Variants in GLMP observed in about 807,000 individuals in gnomAD.
GLMP encodes the protein kidney lysosomal membrane protein.
Under a neutral mutation model 39.2 loss-of-function variants are expected in GLMP, and 36 were observed. The ratio of observed to expected loss-of-function variants is 0.92; its 90% CI spans 0.70 to 1.21. The LOEUF (loss-of-function observed/expected upper bound fraction) is 1.21. Among genes scored for constraint, GLMP ranks in the 50% most tolerant of loss-of-function variants. GLMP has a pLI of 0.00. For missense variants in GLMP, 454 were observed against 505.6 expected (o/e 0.90, Z 0.98); for synonymous variants, 220 against 218.9 (o/e 1.01, Z -0.04).
In GLMP at chr1:156,292,818, A is replaced by T. The variant is rs1663395404; in HGVS notation, c.*226T>A. 1.9e-6 allele frequency: 1 copy of T among 515,848 alleles called. No homozygotes were observed. Among genetic ancestry groups the T allele is most frequent in the African/African-American group, 1.9e-5 (1 of 51,604 alleles). The allele number at this position is 515,848 out of a possible 1,614,324, so 32.0% of individuals were successfully genotyped here. A position where few individuals can be genotyped will look rare whatever the true frequency, so the allele number is the denominator to read the frequency against. On this transcript the variant is annotated 3_prime_UTR_variant, in exon 6 of 6. Transcript: ENST00000362007. ...GATGCAAGAAGGCAACACCAAGGGG[A>T]CCTTATCAATAGCCCTGTCCCCTGC...
At position 156,293,449 on chromosome 1, in the gene GLMP, A is replaced by G. The variant is rs760636542; in HGVS notation, c.926T>C (p.Leu309Ser). ...GGGTGACTGGGGAAGAGAGTATGCT[A>G]AGGCAGGATGAAGAGGGGAAGCTTG... The part of the protein sequence containing the change: ...PCQASPLHPA[L>S]AYSLPQSPIV... The change falls in exon 5 of 6, where the codon TTA becomes TCA. Residue 309 changes from leucine (L) to serine (S), a missense_variant. Leu to Ser is a moderately radical substitution (Grantham distance 145). Transcript: ENST00000362007. The G allele has an allele frequency of 6.2e-7, 1 of 1,614,080 alleles. No individual in the cohort carries two copies. Among genetic ancestry groups the G allele is most frequent in the African/African-American group, 1.3e-5 (1 of 74,928 alleles).
At chr1:156,295,187 G>T in intron 1 of GLMP, 171 bp from the exon 2 acceptor site, 1 of 1,003,268 alleles carries the variant, frequency 1.0e-6, no homozygotes, top group Non-Finnish European at 1.4e-6. Flanking sequence ...GTAAGGGGCA[G>T]TGGGGACAGG....
In GLMP at chr1:156,294,923, A is replaced by C. The variant is rs748931370; in HGVS notation, c.214T>G (p.Trp72Gly). 4.3e-6 allele frequency: 7 copies of C among 1,612,720 alleles called. No individual in the cohort carries two copies. Among genetic ancestry groups the C allele is most frequent in the African/African-American group, 1.3e-5 (1 of 74,766 alleles). The change falls in exon 2 of 6, where the codon TGG becomes GGG. Residue 72 changes from tryptophan (W) to glycine (G), a missense_variant. By Grantham distance (184) the Trp-to-Gly change is radical (BLOSUM62 -2). Transcript: ENST00000362007. ...ACTGCCAGAGGCCCCAGGCTGCTCCACACATAGTGCAGTGTGGAATTGGTG... is the reference window on the plus strand; with the variant it reads ...ACTGCCAGAGGCCCCAGGCTGCTCCCCACATAGTGCAGTGTGGAATTGGTG... ...VGTNSTLHYV[W>G]SSLGPLAVVM...
In GLMP at chr1:156,295,025, TGGA is replaced by T. The variant is rs1451622774; in HGVS notation, c.121-12_121-10del. 1.3e-6 allele frequency: 2 copies of T among 1,528,616 alleles called. No individual in the cohort carries two copies. Among genetic ancestry groups the T allele is most frequent in the Non-Finnish European group, 1.8e-6 (2 of 1,128,808 alleles). 94.7% of individuals were successfully genotyped at this position (1,528,616 alleles called of 1,614,324 possible). On this transcript the variant is annotated splice_polypyrimidine_tract_variant and intron_variant, in intron 1 of 5. Transcript: ENST00000362007. ...ATGACCTCCAGAGACACCTGGAACA[TGGA>T]GTAGTGGAGGGTTGAGGGAACAGGA...
chr1:156,293,720 T>G, intron 4 of GLMP, 144 bp from the exon 5 acceptor site: 1 of 1,551,392 alleles, frequency 6.4e-7, no homozygotes, highest in Non-Finnish European at 8.7e-7. Flanking sequence ...TCTGTAAAAA[T>G]GGGGAGTTCG....
At chr1:156,293,791 C>T (rs944141483) in intron 4 of GLMP, 20 of 1,382,144 alleles carry the variant, frequency 1.4e-5, no homozygotes, top group African/African-American at 2.9e-5. Flanking sequence ...CTCCTCTTGG[C>T]CCCTAGCCCC....
In GLMP at chr1:156,294,776, C is replaced by T; in HGVS notation, c.361G>A (p.Ala121Thr). ...CTCCTCACCCTGGTAAAAACAAGGG[C>T]AGAAGAAAACTGAATGCTGTCCTTA... ...LPKDSIQFSS[A>T]LVFTRLLEFD... Residue 121 changes from alanine to threonine, a missense_variant, in exon 2 of 6, where the codon GCC (alanine) becomes ACC (threonine). Coordinates refer to ENST00000362007, the MANE Select transcript of GLMP (RefSeq NM_144580.3). The T allele has an allele frequency of 1.9e-6, 3 of 1,554,118 alleles. No homozygotes were observed. Among genetic ancestry groups the T allele is most frequent in the Admixed American group, 1.9e-5 (1 of 52,178 alleles).
In GLMP at chr1:156,294,017, C is replaced by T. The variant is rs1267292839; in HGVS notation, c.798+1G>A. 2 of 1,612,926 alleles carry T rather than the reference C, an allele frequency of 1.2e-6. No individual in the cohort carries two copies. Among genetic ancestry groups the T allele is most frequent in the South Asian group, 1.1e-5 (1 of 91,018 alleles). On this transcript the variant is annotated splice_donor_variant, in intron 4 of 5. Transcript: ENST00000362007. LOFTEE classifies it high-confidence loss of function. Reference sequence around the variant, plus strand: ...ATCTGCCTCTCTCCAGGAAGCCTGACCTGGAAGACGGCCGGTGCATATTCA... The same window carrying T: ...ATCTGCCTCTCTCCAGGAAGCCTGATCTGGAAGACGGCCGGTGCATATTCA...
Position 156,294,232 on chromosome 1 carries a change from T to C in GLMP, c.584A>G (p.Gln195Arg), listed in dbSNP as rs1334801911. Residue 195 changes from glutamine (Q) to arginine (R), a missense_variant, in exon 4 of 6, where the codon CAG (glutamine) becomes CGG (arginine). Physicochemically the swap from Gln to Arg is conservative, Grantham distance 43. Coordinates refer to ENST00000362007, the MANE Select transcript of GLMP (RefSeq NM_144580.3). ...TGGTCGGCTGGACCTGGAAAAGGCCTGGACCTAGGAAGGAAGAAGCATGGG... is the reference window on the plus strand; with the variant it reads ...TGGTCGGCTGGACCTGGAAAAGGCCCGGACCTAGGAAGGAAGAAGCATGGG... Reference protein sequence around the residue: ...FANGSLAFRVQAFSRSSRPAQ... With the variant: ...FANGSLAFRVRAFSRSSRPAQ... 2 of 1,613,666 alleles carry C rather than the reference T, an allele frequency of 1.2e-6. No individual in the cohort carries two copies. The highest frequency in any genetic ancestry group is 1.1e-5 in the South Asian group (1 of 91,072).
chr1:156,293,312 G>A lies in GLMP; in HGVS notation c.1055+8C>T. 1 of 1,614,054 alleles carries A rather than the reference G, an allele frequency of 6.2e-7. No homozygotes were observed. The highest frequency in any genetic ancestry group is 1.6e-4 in the Middle Eastern group (1 of 6,062). ...CCCCAAGTCCCCGGCCCAAACCCTG[G>A]CTCTCACCAGCTGAGGTAGTGTTGG... On this transcript the variant is annotated splice_region_variant and intron_variant, in intron 5 of 5. Transcript: ENST00000362007.
In GLMP at chr1:156,293,415, T is replaced by G; in HGVS notation, c.960A>C (p.Arg320=). ...AYSLPQSPIV[R]AFFGSQNNFC... Reference sequence around the variant, plus strand: ...AGTTATTCTGGGACCCAAAGAAGGCTCGGACAATGGGTGACTGGGGAAGAG... The same window carrying G: ...AGTTATTCTGGGACCCAAAGAAGGCGCGGACAATGGGTGACTGGGGAAGAG... The change falls in exon 5 of 6, where the codon CGA becomes CGC. Residue 320 remains arginine, a synonymous_variant. Coordinates refer to ENST00000362007, the MANE Select transcript of GLMP (RefSeq NM_144580.3). 6.2e-7 allele frequency: 1 copy of G among 1,614,046 alleles called. No homozygotes were observed. The highest frequency in any genetic ancestry group is 8.5e-7 in the Non-Finnish European group (1 of 1,180,020).
intron 4 of GLMP, 123 bp from the exon 5 acceptor site, chr1:156,293,699 T>C: frequency 6.4e-7 from 1 of 1,556,198 alleles, no homozygotes; most frequent in African/African-American, 1.4e-5. Flanking sequence ...AGGCAGGGCC[T>C]CAATCCCTCC....
intron 1 of GLMP, 165 bp from the exon 2 acceptor site, chr1:156,295,181 G>T: frequency 1.0e-6 from 1 of 976,254 alleles, no homozygotes. Flanking sequence ...CCTGGGGTAA[G>T]GGGCAGTGGG....
chr1:156,294,030 C>A lies in GLMP; in HGVS notation c.786G>T (p.Pro262=). The stretch of plus-strand genomic sequence containing the variant: ...CAGGAAGCCTGACCTGGAAGACGGC[C>A]GGTGCATATTCATCGTCGATGGAGT... ...EQHSIDDEYA[P]AVFQLDQLLW... The change falls in exon 4 of 6, where the codon CCG becomes CCT. Residue 262 remains proline, a synonymous_variant. Transcript: ENST00000362007. 4 of 1,613,316 alleles carry A rather than the reference C, an allele frequency of 2.5e-6. No individual in the cohort carries two copies. The highest frequency in any genetic ancestry group is 3.4e-6 in the Non-Finnish European group (4 of 1,179,942).
chr1:156,293,161 T>G lies in GLMP; in HGVS notation c.1104A>C (p.Pro368=), dbSNP rs761401376. The G allele has an allele frequency of 2.6e-5, 42 of 1,613,666 alleles. 1 individual carries two copies. The Admixed American group carries it at 7.0e-4, about 27-fold the overall frequency. The change falls in exon 6 of 6, where the codon CCA becomes CCC. Residue 368 remains proline, a synonymous_variant. Transcript: ENST00000362007. ...VGFPPVDGLS[P]LVLGIMAVAL... is the part of the protein sequence containing the mutation. ...CCACTGCCATGATGCCCAGGACTAG[T>G]GGGGACAAGCCGTCCACTGGAGGGA...
chr1:156,293,850 C>A, intron 4 of GLMP, 168 bp downstream of exon 4: 1 of 1,184,146 alleles, frequency 8.4e-7, no homozygotes, highest in Non-Finnish European at 1.2e-6. Flanking sequence ...CACTTTCTGT[C>A]TGTCTCCACT....
In GLMP at chr1:156,293,013, C is replaced by T. The variant is rs1663407640; in HGVS notation, c.*31G>A. 6.2e-7 allele frequency: 1 copy of T among 1,610,286 alleles called. No individual in the cohort carries two copies. Among genetic ancestry groups the T allele is most frequent in the Admixed American group, 1.7e-5 (1 of 59,462 alleles). ...GTTTCGAGGCACAGCAAGACAGGTT[C>T]AGTAATGTCCTTCCCTCCAGAGAGC... On this transcript the variant is annotated 3_prime_UTR_variant, in exon 6 of 6. Transcript: ENST00000362007.
intron 1 of GLMP, 59 bp downstream of exon 1, chr1:156,295,467 C>T (rs1472016248): frequency 2.8e-6 from 4 of 1,434,520 alleles, no homozygotes; most frequent in Non-Finnish European, 3.7e-6. Context: ...CCGGTTCCAG[C>T]CACCCTGCAA....
intron 4 of GLMP, chr1:156,293,798 C>A (rs188181039): frequency 1.5e-6 from 2 of 1,368,888 alleles, no homozygotes; most frequent in East Asian, 2.5e-5. Context: ...TGGCCCCTAG[C>A]CCCCTTGCAG....
Sources: gnomAD v4.1 joint callset for allele counts on GRCh38, gnomAD v4.1.1 for gene constraint, MANE v1.5 for transcripts, NCBI Gene and HGNC (gene_info 2026-07-23, HGNC 2026-07-21) for gene names.